G3BP2: variants seen among roughly 807,000 people sequenced by gnomAD.
G3BP2 encodes ras GTPase-activating protein-binding protein 2.
A neutral mutation model predicts 56.7 loss-of-function variants in G3BP2; 11 were observed. The ratio of observed to expected loss-of-function variants is 0.19; its 90% confidence interval spans 0.12 to 0.32. G3BP2 has a LOEUF of 0.32. Ranked by LOEUF, G3BP2 falls within the 10% of genes least tolerant of loss-of-function variation. The pLI is 1.00. For synonymous variants in G3BP2, 165 were observed against 191.6 expected (o/e 0.86, Z 1.15); for missense variants, 340 against 610.9 (o/e 0.56, Z 4.67).
intron 8 of G3BP2, among the ~76,000 whole-genome samples, chr4:75,650,488 A>G (rs1028323459): frequency 1.3e-5 from 2 of 151,096 alleles, no homozygotes; most frequent in South Asian, 2.1e-4. Context: ...GATTTCAGCC[A>G]CTGTAACCAA....
upstream of G3BP2, among the ~76,000 whole-genome samples, chr4:75,678,295 C>G (rs1733950212): frequency 7.7e-6 from 1 of 129,386 alleles, no homozygotes. Context: ...CCGTGCCTAG[C>G]TTGTGTGTGT....
intron 3 of G3BP2, among the ~76,000 whole-genome samples, chr4:75,693,654 T>C (rs1056125848): frequency 2.6e-5 from 4 of 151,870 alleles, no homozygotes; most frequent in South Asian, 2.1e-4. Flanking sequence ...CTGGGCGCGG[T>C]GGCGGGCACC....
At chr4:75,707,272 G>C (rs182868778) in intron 3 of G3BP2, among the ~76,000 whole-genome samples, 2 of 150,850 alleles carry the variant, frequency 1.3e-5, no homozygotes, top group East Asian at 3.9e-4. Flanking sequence ...ATAAAAACTA[G>C]ACATTCACAA....
At chr4:75,691,992 G>A (rs1000726324) in intron 3 of G3BP2, among the ~76,000 whole-genome samples, 1 of 152,178 alleles carries the variant, frequency 6.6e-6, no homozygotes, top group Non-Finnish European at 1.5e-5. Context: ...GTTCTGTGAT[G>A]TGTAAAACTA....
At chr4:75,720,307 G>A (rs1420482385) in intron 3 of G3BP2, among the ~76,000 whole-genome samples, 3 of 151,398 alleles carry the variant, frequency 2.0e-5, no homozygotes, top group South Asian at 4.2e-4. Flanking sequence ...GAGATGAGGA[G>A]ATCGAGACCA....
chr4:75,686,271 T>C (rs1718599461), intron 3 of G3BP2, among the ~76,000 whole-genome samples: 1 of 152,162 alleles, frequency 6.6e-6, no homozygotes, highest in African/African-American at 2.4e-5. Flanking sequence ...TAGTTAATCA[T>C]ATTAATCATT....
chr4:75,645,422 G>C lies in G3BP2; in HGVS notation c.*8C>G, dbSNP rs1468845029. The C allele has an allele frequency of 6.2e-7, 1 of 1,609,272 alleles. No homozygotes were observed. The highest frequency in any genetic ancestry group is 1.3e-5 in the African/African-American group (1 of 74,650). On this transcript the variant is annotated 3_prime_UTR_variant, in exon 12 of 12. Coordinates refer to ENST00000359707, the MANE Select transcript of G3BP2 (RefSeq NM_203505.3). Reference sequence around the variant, plus strand: ...TACCACTGCCAAGACTTTGCCAACAGTGGAGCTTCAGCGACGCTGTCCTGT... The same window carrying C: ...TACCACTGCCAAGACTTTGCCAACACTGGAGCTTCAGCGACGCTGTCCTGT...
chr4:75,674,729 T>TATATATATACA (rs55653699), upstream of G3BP2, among the ~76,000 whole-genome samples: 5 of 111,328 alleles, frequency 4.5e-5, no homozygotes, highest in South Asian at 3.2e-4. Context: ...TTTTTTTTTT[T>TATATATATACA]TTTTTTTTTT....
At chr4:75,719,296 C>T (rs936935018) in intron 3 of G3BP2, among the ~76,000 whole-genome samples, 6 of 142,710 alleles carry the variant, frequency 4.2e-5, no homozygotes, top group African/African-American at 1.6e-4. Flanking sequence ...TGCAGTGAGC[C>T]GAGATCCCGC....
chr4:75,646,570 C>T lies in G3BP2; in HGVS notation c.1058-114G>A, dbSNP rs183017080. Reference sequence around the variant, plus strand: ...CCCCGATCCATTTTAAAATAAAACTCGCAAGCTTCTACACACAGTGATAGC... The same window carrying T: ...CCCCGATCCATTTTAAAATAAAACTTGCAAGCTTCTACACACAGTGATAGC... On this transcript the variant is annotated intron_variant, in intron 10 of 11. Transcript: ENST00000359707. 4.6e-5 allele frequency: 34 copies of T among 745,874 alleles called. No homozygotes were observed. In the East Asian group the frequency reaches 7.4e-4, roughly 16 times the overall value. The allele number at this position is 745,874 out of a possible 1,614,324, so 46.2% of individuals were successfully genotyped here.
intron 3 of G3BP2, among the ~76,000 whole-genome samples, chr4:75,686,484 A>G (rs559963529): frequency 1.3e-5 from 2 of 150,274 alleles, no homozygotes; most frequent in Non-Finnish European, 3.0e-5. Context: ...TGGGTGGTGT[A>G]AGAATGAGCC....
chr4:75,710,661 C>T (rs573941295), intron 3 of G3BP2, among the ~76,000 whole-genome samples: 4 of 152,228 alleles, frequency 2.6e-5, no homozygotes, highest in African/African-American at 9.6e-5. Context: ...TTAAGTCTGT[C>T]TGGCTTTATT....
intron 5 of G3BP2, 114 bp from the exon 6 acceptor site, chr4:75,655,984 T>C: frequency 3.2e-6 from 2 of 621,944 alleles, no homozygotes; most frequent in East Asian, 5.5e-5. Context: ...AATTTGACAA[T>C]TTTCTTTCCT....
chr4:75,699,349 A>G (rs557632573), intron 3 of G3BP2, among the ~76,000 whole-genome samples: 1 of 152,116 alleles, frequency 6.6e-6, no homozygotes, highest in Non-Finnish European at 1.5e-5. Flanking sequence ...TCCTTTTTGA[A>G]CCCACTTCAA....
chr4:75,679,336 G>A (rs1021608722), intron 3 of G3BP2, among the ~76,000 whole-genome samples: 5 of 152,202 alleles, frequency 3.3e-5, no homozygotes, highest in Non-Finnish European at 5.9e-5. Context: ...AGCAAGAGAG[G>A]AGAAAGCCTA....
chr4:75,690,214 AC>A (rs956511646), intron 3 of G3BP2, among the ~76,000 whole-genome samples: 5 of 152,190 alleles, frequency 3.3e-5, no homozygotes, highest in African/African-American at 9.6e-5. Context: ...TGGGCGGATC[AC>A]CTGAGGTCAG....
intron 3 of G3BP2, among the ~76,000 whole-genome samples, chr4:75,698,559 C>T (rs1179363751): frequency 6.6e-6 from 1 of 152,068 alleles, no homozygotes; most frequent in Non-Finnish European, 1.5e-5. Flanking sequence ...TATTTCCCAC[C>T]AATTTACCCT....
At chr4:75,716,954 T>C (rs1365378267) in intron 3 of G3BP2, among the ~76,000 whole-genome samples, 3 of 152,200 alleles carry the variant, frequency 2.0e-5, no homozygotes, top group African/African-American at 4.8e-5. Flanking sequence ...TCCATCCCTC[T>C]GCCCATGGAC....
Position 75,655,820 on chromosome 4 carries a change from C to T in G3BP2, c.493G>A (p.Glu165Lys). ...EEQEERQPSP[E>K]PVQENANSGY... Reference sequence around the variant, plus strand: ...CTGTTAGCATTTTCTTGCACAGGTTCAGGAGATGGTTGTCTTTCTTCTTGT... The same window carrying T: ...CTGTTAGCATTTTCTTGCACAGGTTTAGGAGATGGTTGTCTTTCTTCTTGT... Residue 165 changes from glutamate (E) to lysine (K), a missense_variant, in exon 6 of 12, where the codon GAA (glutamate) becomes AAA (lysine). Physicochemically the swap from Glu to Lys is moderately conservative, Grantham distance 56. Around this residue, in one of 4 missense-constraint regions of G3BP2, gnomAD observed 224 missense variants for 332.5 expected, o/e 0.67. Coordinates refer to ENST00000359707, the MANE Select transcript of G3BP2 (RefSeq NM_203505.3). 6.2e-7 allele frequency: 1 copy of T among 1,603,874 alleles called. No homozygotes were observed. Among genetic ancestry groups the T allele is most frequent in the Non-Finnish European group, 8.5e-7 (1 of 1,170,780 alleles).
Sources: allele counts gnomAD v4.1 joint callset (sites outside exome capture counted in the v4.1 genomes callset), GRCh38; gene constraint gnomAD v4.1.1; regional missense constraint gnomAD v4.1.1; transcripts MANE v1.5; gene names NCBI Gene and HGNC (gene_info 2026-07-23, HGNC 2026-07-21).